MPPED1: variants seen among roughly 807,000 people sequenced by gnomAD.
MPPED1 encodes metallophosphoesterase domain containing 1.
A neutral mutation model predicts 36.2 loss-of-function variants in MPPED1; 16 were observed. The ratio of observed to expected loss-of-function variants is 0.44; its 90% CI spans 0.30 to 0.67. The LOEUF (loss-of-function observed/expected upper bound fraction) is 0.67, where lower values mean the gene tolerates loss of function less well. MPPED1 is among the 30% of genes least tolerant of loss of function. The probability of loss-of-function intolerance (pLI) is 0.10; values close to 1 mark genes in which losing one functional copy is unlikely to be tolerated. For synonymous variants in MPPED1, 199 were observed against 191.3 expected (o/e 1.04, Z -0.33); for missense variants, 307 against 453.4 (o/e 0.68, Z 2.93).
At chr22:43,472,369 T>C (rs1051755161) in intron 3 of MPPED1, among the ~76,000 whole-genome samples, 1 of 152,216 alleles carries the variant, frequency 6.6e-6, no homozygotes, top group African/African-American at 2.4e-5. Context: ...TACATTTCCA[T>C]TGATTATCTT....
chr22:43,415,225 C>CAAAAAAAAAAAAAAAAAAAAAAAG (rs34357060), intron 1 of MPPED1, among the ~76,000 whole-genome samples: 1 of 49,414 alleles, frequency 2.0e-5, no homozygotes, highest in Non-Finnish European at 3.5e-5. Flanking sequence ...ATGTCAAAAG[C>CAAAAAAAAAAAAAAAAAAAAAAAG]AAAAAAAAAA....
At chr22:43,415,849 A>G (rs1412747663) in intron 1 of MPPED1, among the ~76,000 whole-genome samples, 1 of 152,214 alleles carries the variant, frequency 6.6e-6, no homozygotes, top group Non-Finnish European at 1.5e-5. Flanking sequence ...TCCTCCTTCC[A>G]AGAAGGATGT....
intron 3 of MPPED1, among the ~76,000 whole-genome samples, chr22:43,444,902 A>G (rs1024095661): frequency 6.6e-6 from 1 of 152,192 alleles, no homozygotes; most frequent in Non-Finnish European, 1.5e-5. Context: ...AAATGACAAA[A>G]ATAGTAAAAT....
At chr22:43,418,472 C>T (rs1193727950) in intron 1 of MPPED1, 1 of 283,860 alleles carries the variant, frequency 3.5e-6, no homozygotes, top group Non-Finnish European at 7.0e-6. Flanking sequence ...TGCTGAGATG[C>T]TCTGTGTGAG....
At chr22:43,417,525 A>G (rs1438559469) in intron 1 of MPPED1, 2 of 151,704 alleles carry the variant, frequency 1.3e-5, no homozygotes, top group Non-Finnish European at 2.9e-5. Flanking sequence ...GAGGCAAAAC[A>G]AGGAAAGAAA....
At chr22:43,433,483 A>G (rs557162385) in intron 2 of MPPED1, among the ~76,000 whole-genome samples, 1 of 151,072 alleles carries the variant, frequency 6.6e-6, no homozygotes, top group Non-Finnish European at 1.5e-5. Flanking sequence ...AGAAGAGGAA[A>G]AGCTCCTAGC....
At chr22:43,456,889 A>G (rs1245121920) in intron 3 of MPPED1, among the ~76,000 whole-genome samples, 1 of 152,120 alleles carries the variant, frequency 6.6e-6, no homozygotes, top group East Asian at 1.9e-4. Context: ...TTTCCCCCTT[A>G]TTATTACGGT....
chr22:43,491,326 T>C (rs926082718), intron 4 of MPPED1, among the ~76,000 whole-genome samples: 1 of 151,726 alleles, frequency 6.6e-6, no homozygotes, highest in Non-Finnish European at 1.5e-5. Context: ...ATGATGATGG[T>C]AATGGTGATG....
At chr22:43,483,535 C>T (rs79048405) in intron 4 of MPPED1, among the ~76,000 whole-genome samples, 5,123 of 152,392 alleles carry the variant, frequency 0.034, 98 homozygotes, top group South Asian at 0.051. Flanking sequence ...GAGACACAGG[C>T]GGGCCCGGCA....
At chr22:43,500,693 G>T (rs778521450) in intron 5 of MPPED1, among the ~76,000 whole-genome samples, 1 of 152,034 alleles carries the variant, frequency 6.6e-6, no homozygotes, top group Non-Finnish European at 1.5e-5. Flanking sequence ...ACCAGCCCCT[G>T]TGCTGGGTGA....
chr22:43,453,796 A>G lies in MPPED1; in HGVS notation c.406+18581A>G, dbSNP rs145644485. 2.0e-5 allele frequency among the ~76,000 whole-genome samples: 3 copies of G among 152,312 alleles called. No homozygotes were observed. In the East Asian group the frequency reaches 5.8e-4, roughly 29 times the overall value. On this transcript the variant is annotated intron_variant, in intron 3 of 6. Coordinates refer to ENST00000443721, the MANE Select transcript of MPPED1 (RefSeq NM_001044370.2). ...TTATTTATTTAAATTGTGGTGAAAT[A>G]TACATGACATTGATCATTTTAGTCT... is the stretch of plus-strand genomic sequence containing the variant.
rs778363488 is a variant in MPPED1, at chr22:43,498,322, C to T, written c.720C>T (p.Asp240=). 35 of 1,535,384 alleles carry T rather than the reference C, an allele frequency of 2.3e-5. No homozygotes were observed. Among genetic ancestry groups the T allele is most frequent in the Non-Finnish European group, 3.0e-5 (34 of 1,146,512 alleles). ...GGAACCTCATTCCCGAAGGCGTAGA[C>T]ATCCTGATAACCCATGGACCACCAC... ...EKWNLIPEGV[D]ILITHGPPLG... is the part of the protein sequence containing the mutation. Residue 240 remains aspartate (D), a synonymous_variant, in exon 5 of 7, where the codon GAC becomes GAT. Transcript: ENST00000443721.
chr22:43,491,493 G>A (rs980827015), intron 4 of MPPED1, among the ~76,000 whole-genome samples: 1 of 148,720 alleles, frequency 6.7e-6, no homozygotes, highest in Non-Finnish European at 1.5e-5. Flanking sequence ...GATGGAGGTT[G>A]TAATGATGGA....
rs1004996722 is a variant in MPPED1 at position 43,502,102 on chromosome 22, C to T, written c.749-542C>T. Among the ~76,000 whole-genome samples, 9 of 152,160 alleles carry T rather than the reference C, an allele frequency of 5.9e-5. No individual in the cohort carries two copies. Among genetic ancestry groups the T allele is most frequent in the Admixed American group, 1.3e-4 (2 of 15,274 alleles). ...GGCTGGCAGCGGGGGCAGGCGCAGG[C>T]GCAGCCACGTGAGCGATGCTGCACC... On this transcript the variant is annotated intron_variant, in intron 5 of 6. Coordinates refer to ENST00000443721, the MANE Select transcript of MPPED1 (RefSeq NM_001044370.2). This position sits in a 1 kb window ranked among gnomAD's most constrained non-coding sequence, Gnocchi z 5.5.
chr22:43,485,700 T>A (rs1931892843), intron 4 of MPPED1, among the ~76,000 whole-genome samples: 2 of 152,230 alleles, frequency 1.3e-5, no homozygotes, highest in South Asian at 2.1e-4. Flanking sequence ...ATGAGATTAA[T>A]GTTTGAAATG....
intron 3 of MPPED1, among the ~76,000 whole-genome samples, chr22:43,451,240 C>T (rs377661183): frequency 4.6e-5 from 7 of 152,214 alleles, no homozygotes; most frequent in South Asian, 2.1e-4. Context: ...CTCTTGACCT[C>T]GTGATCCACC....
chr22:43,447,880 TA>T lies in MPPED1; in HGVS notation c.406+12666del, dbSNP rs1247142704. Among the ~76,000 whole-genome samples the T allele has an allele frequency of 1.6e-3, 55 of 34,384 alleles. 1 individual carries two copies. Among genetic ancestry groups the T allele is most frequent in the African/African-American group, 7.3e-3 (39 of 5,372 alleles). 22.6% of individuals were successfully genotyped at this position (34,384 alleles called of 152,430 possible). On this transcript the variant is annotated intron_variant, in intron 3 of 6. Coordinates refer to ENST00000443721, the MANE Select transcript of MPPED1 (RefSeq NM_001044370.2). Reference sequence around the variant, plus strand: ...AATATTATATATATATATATATATATATATTTTTTTTTTTTTTAGACAAAGT... The same window carrying T: ...AATATTATATATATATATATATATATTATTTTTTTTTTTTTTAGACAAAGT...
intron 4 of MPPED1, among the ~76,000 whole-genome samples, chr22:43,477,475 C>G (rs547770279): frequency 2.8e-4 from 43 of 152,334 alleles, no homozygotes; most frequent in Middle Eastern, 3.4e-3. Context: ...GCTACCCTCC[C>G]CTGGGAGGCT....
At chr22:43,422,259 G>A (rs1929300805) in intron 1 of MPPED1, among the ~76,000 whole-genome samples, 1 of 152,238 alleles carries the variant, frequency 6.6e-6, no homozygotes, top group South Asian at 2.1e-4. Context: ...TCTGTGGGAT[G>A]TACCCTTGAT....
Sources: gnomAD v4.1 joint callset for allele counts (sites outside exome capture counted in the v4.1 genomes callset) on GRCh38, gnomAD v4.1.1 for gene constraint, Gnocchi (gnomAD v3.1) non-coding constraint, MANE v1.5 for transcripts, NCBI Gene and HGNC (gene_info 2026-07-23, HGNC 2026-07-21) for gene names.